The following KIAA0930 variants were observed in gnomAD, a reference collection of about 807,000 sequenced individuals.
KIAA0930 encodes uncharacterized protein KIAA0930.
Under a neutral mutation model 43.9 loss-of-function variants are expected in KIAA0930, and 24 were observed. That is an observed-to-expected ratio of 0.55 (90% CI 0.40 to 0.77). The LOEUF is 0.77. KIAA0930 is among the 30% of genes least tolerant of loss of function. The pLI is 0.00. For synonymous variants in KIAA0930, 259 were observed against 216.4 expected (o/e 1.20, Z -1.73); for missense variants, 461 against 574.2 (o/e 0.80, Z 2.02).
chr22:45,220,427 G>A (rs897208341), intron 1 of KIAA0930, among the ~76,000 whole-genome samples: 1 of 151,434 alleles, frequency 6.6e-6, no homozygotes, highest in Non-Finnish European at 1.5e-5. Context: ...CCAGCCTGGC[G>A]ACAGAGACTC....
At chr22:45,224,372 C>T (rs942882027) in intron 1 of KIAA0930, among the ~76,000 whole-genome samples, 3 of 152,176 alleles carry the variant, frequency 2.0e-5, no homozygotes, top group Non-Finnish European at 2.9e-5. Context: ...AAATACTCTG[C>T]GGCATGTTTA....
At position 45,195,368 on chromosome 22, in the gene KIAA0930, C is replaced by T. The variant is rs1445958461; in HGVS notation, c.*1808G>A. 1 of 152,294 alleles carries T rather than the reference C, an allele frequency of 6.6e-6. No homozygotes were observed. The highest frequency in any genetic ancestry group is 6.5e-5 in the Admixed American group (1 of 15,290). The allele number at this position is 152,294 out of a possible 1,614,324, so 9.4% of individuals were successfully genotyped here. The stretch of plus-strand genomic sequence containing the variant: ...TTTCTCCCAAGATCCCCAGAACAAC[C>T]AGGGGAAGAGTTCCTGAAGAAATGG... On this transcript the variant is annotated 3_prime_UTR_variant, in exon 10 of 10. Transcript: ENST00000336156.
intron 1 of KIAA0930, among the ~76,000 whole-genome samples, chr22:45,237,621 ACAG>A (rs2083895057): frequency 6.6e-6 from 1 of 152,258 alleles, no homozygotes. Flanking sequence ...GTCAGAGGAC[ACAG>A]CAGGTTTCTG....
At chr22:45,215,124 A>T (rs1007883939) in intron 1 of KIAA0930, among the ~76,000 whole-genome samples, 1 of 151,800 alleles carries the variant, frequency 6.6e-6, no homozygotes, top group Non-Finnish European at 1.5e-5. Flanking sequence ...AGGCTGAGGC[A>T]CTAGAATCAC....
At position 45,211,988 on chromosome 22, in the gene KIAA0930, A is replaced by C; in HGVS notation, c.184T>G (p.Ser62Ala). The stretch of plus-strand genomic sequence containing the variant: ...CCGTCTGCACCGCTTTCGCTGCCGG[A>C]GTACGCCAGCTTCCGGCGCACATAG... ...LFYVRRKLAY[S>A]GSESGADGRK... is the part of the protein sequence containing the mutation. The change falls in exon 2 of 10, where the codon TCC (serine) becomes GCC (alanine). Residue 62 changes from serine (S) to alanine (A), a missense_variant. Coordinates refer to ENST00000336156, the MANE Select transcript of KIAA0930 (RefSeq NM_001009880.2). The C allele has an allele frequency of 1.9e-6, 3 of 1,613,148 alleles. No individual in the cohort carries two copies. The highest frequency in any genetic ancestry group is 2.5e-6 in the Non-Finnish European group (3 of 1,180,030).
intron 1 of KIAA0930, among the ~76,000 whole-genome samples, chr22:45,232,058 T>C (rs553937562): frequency 1.3e-5 from 2 of 152,290 alleles, no homozygotes; most frequent in East Asian, 1.9e-4. Context: ...AAGGTGCCTA[T>C]GAAGCAAGGT....
intron 2 of KIAA0930, chr22:45,211,578 G>A (rs1166431330): frequency 4.3e-6 from 2 of 467,320 alleles, no homozygotes; most frequent in Non-Finnish European, 7.5e-6. Context: ...CACTGAGTCA[G>A]GTCACCCTGC....
chr22:45,234,952 T>G (rs2083877816), intron 1 of KIAA0930, among the ~76,000 whole-genome samples: 1 of 152,130 alleles, frequency 6.6e-6, no homozygotes, highest in South Asian at 2.1e-4. Context: ...TAATTGGAAC[T>G]AGGCATAATT....
Position 45,218,544 on chromosome 22 carries a change from T to C in KIAA0930, c.65-6437A>G, listed in dbSNP as rs562686644. Among the ~76,000 whole-genome samples the C allele has an allele frequency of 2.0e-5, 3 of 152,046 alleles. No individual in the cohort carries two copies. In the East Asian group the frequency reaches 5.8e-4, roughly 29 times the overall value. On this transcript the variant is annotated intron_variant, in intron 1 of 9. Coordinates refer to ENST00000336156, the MANE Select transcript of KIAA0930 (RefSeq NM_001009880.2). ...TTTTCAGATCCTCATGGCAACTTTA[T>C]GAGGTGGGGACCACCTCAGCTTAGT...
rs953286897 is a variant in KIAA0930, at chr22:45,212,462, G to A, written c.65-355C>T. The A allele has an allele frequency of 2.1e-6, 3 of 1,456,268 alleles. No individual in the cohort carries two copies. In the East Asian group the frequency reaches 7.5e-5, roughly 37 times the overall value. The allele number at this position is 1,456,268 out of a possible 1,614,324, so 90.2% of individuals were successfully genotyped here. Reference sequence around the variant, plus strand: ...TGGCTGGCTGGTGTCTGGGCTGGAAGCCGGGAAGGCTTGGCTGGGGGGGAG... The same window carrying A: ...TGGCTGGCTGGTGTCTGGGCTGGAAACCGGGAAGGCTTGGCTGGGGGGGAG... On this transcript the variant is annotated intron_variant, in intron 1 of 9. Transcript: ENST00000336156.
At position 45,203,137 on chromosome 22, in the gene KIAA0930, G is replaced by A; in HGVS notation, c.705C>T (p.Tyr235=). The change falls in exon 7 of 10, where the codon TAC becomes TAT. Residue 235 remains tyrosine (Y), a synonymous_variant. Transcript: ENST00000336156. ...GCACAAACTCCATGTTGCTGTACTT[G>A]TAGAAGCCAAACGACATCTTCTGTG... ...RMAQKMSFGF[Y]KYSNMEFVRM... 4 of 1,613,194 alleles carry A rather than the reference G, an allele frequency of 2.5e-6. No homozygotes were observed. The highest frequency in any genetic ancestry group is 3.4e-6 in the Non-Finnish European group (4 of 1,179,604).
At chr22:45,216,524 C>T (rs563775124) in intron 1 of KIAA0930, among the ~76,000 whole-genome samples, 1 of 152,158 alleles carries the variant, frequency 6.6e-6, no homozygotes, top group African/African-American at 2.4e-5. Context: ...TTTGGCCTCA[C>T]GGTGCAGCAA....
At chr22:45,212,417 CG>C (rs1159117775) in intron 1 of KIAA0930, 1 of 1,539,144 alleles carries the variant, frequency 6.5e-7, no homozygotes, top group Non-Finnish European at 8.8e-7. Context: ...AGGAAAATCC[CG>C]AGGAGCCAGG....
chr22:45,210,172 C>T (rs1411898741), intron 2 of KIAA0930, among the ~76,000 whole-genome samples: 2 of 152,242 alleles, frequency 1.3e-5, no homozygotes, highest in Non-Finnish European at 2.9e-5. Context: ...TGGCTTGCAA[C>T]AGACTCTGCC....
At chr22:45,203,709 G>A in intron 6 of KIAA0930, 136 bp downstream of exon 6, 3 of 943,956 alleles carry the variant, frequency 3.2e-6, no homozygotes, top group Non-Finnish European at 4.7e-6. Flanking sequence ...AAGGAGCCCG[G>A]AGGGGCTGCA....
intron 1 of KIAA0930, 110 bp from the exon 2 acceptor site, chr22:45,212,217 G>T (rs1393169542): frequency 6.2e-7 from 1 of 1,612,814 alleles, no homozygotes; most frequent in Admixed American, 1.7e-5. Flanking sequence ...AGAAATTTGC[G>T]AGGGCTCTGA....
intron 1 of KIAA0930, among the ~76,000 whole-genome samples, chr22:45,213,841 A>G (rs891146354): frequency 2.0e-5 from 3 of 152,042 alleles, no homozygotes; most frequent in Non-Finnish European, 4.4e-5. Context: ...GAAACCCTGT[A>G]TCTAGTAAAA....
intron 6 of KIAA0930, 109 bp downstream of exon 6, chr22:45,203,736 G>A (rs2083610604): frequency 5.4e-6 from 7 of 1,288,844 alleles, no homozygotes; most frequent in African/African-American, 3.0e-5. Context: ...CCTGGCGGCC[G>A]CTACCATGCA....
At chr22:45,199,729 G>T (rs1386384580) in intron 8 of KIAA0930, 144 bp downstream of exon 8, 1 of 875,104 alleles carries the variant, frequency 1.1e-6, no homozygotes, top group Non-Finnish European at 1.7e-6. Context: ...CTCAGCTCCT[G>T]GAGGGCTGCC....
Sources: allele counts gnomAD v4.1 joint callset (sites outside exome capture counted in the v4.1 genomes callset), GRCh38; gene constraint gnomAD v4.1.1; transcripts MANE v1.5; gene names NCBI Gene and HGNC (gene_info 2026-07-23, HGNC 2026-07-21).